EYS: variants seen among roughly 807,000 people sequenced by gnomAD.
EYS encodes the protein EGF-like photoreceptor maintenance factor.
In EYS, 250 loss-of-function variants were observed where a neutral mutation model predicts 282.1. The ratio of observed to expected loss-of-function variants is 0.89; its 90% CI spans 0.80 to 0.98. EYS has a LOEUF of 0.98. Ranked by LOEUF, EYS falls within the 50% of genes least tolerant of loss-of-function variation. The probability of loss-of-function intolerance (pLI) is 0.00; values close to 1 mark genes in which losing one functional copy is unlikely to be tolerated. For missense variants in EYS, 4,016 were observed against 3,709.0 expected (o/e 1.08, Z -2.15); for synonymous variants, 1,355 against 1,282.9 (o/e 1.06, Z -1.20).
chr6:65,033,865 T>A (rs1035306915), intron 13 of EYS, among the ~76,000 whole-genome samples: 3 of 152,098 alleles, frequency 2.0e-5, no homozygotes, highest in Admixed American at 6.6e-5. Context: ...GAAAGGTAGA[T>A]CCACTGACAG....
At chr6:65,418,872 G>A (rs1279044683) in intron 5 of EYS, among the ~76,000 whole-genome samples, 1 of 151,886 alleles carries the variant, frequency 6.6e-6, no homozygotes, top group Non-Finnish European at 1.5e-5. Context: ...TAAAAGTATG[G>A]TCTCAAGCCA....
chr6:63,737,094 A>G (rs1262299142), intron 41 of EYS, among the ~76,000 whole-genome samples: 2 of 149,902 alleles, frequency 1.3e-5, no homozygotes, highest in African/African-American at 4.9e-5. Context: ...TCTCCTGCCT[A>G]ATTGCCCTGG....
intron 29 of EYS, among the ~76,000 whole-genome samples, chr6:64,346,070 G>T (rs1477679646): frequency 1.3e-5 from 2 of 152,054 alleles, no homozygotes; most frequent in African/African-American, 4.8e-5. Context: ...TGGAGAGGAT[G>T]TGGAGAAATA....
intron 26 of EYS, among the ~76,000 whole-genome samples, chr6:64,467,952 G>A (rs1321030576): frequency 6.6e-6 from 1 of 152,062 alleles, no homozygotes; most frequent in African/African-American, 2.4e-5. Flanking sequence ...GGGTTGGCCG[G>A]CATCTGCTAC....
intron 11 of EYS, among the ~76,000 whole-genome samples, chr6:65,296,756 T>C (rs924991812): frequency 8.6e-5 from 13 of 151,896 alleles, no homozygotes; most frequent in Non-Finnish European, 2.9e-5. Flanking sequence ...TCGACGAGAT[T>C]TTCCCATAGT....
chr6:65,411,588 A>G (rs1461451256), intron 5 of EYS, among the ~76,000 whole-genome samples: 1 of 151,980 alleles, frequency 6.6e-6, no homozygotes, highest in Non-Finnish European at 1.5e-5. Context: ...CCATGATTAC[A>G]AAGATCTCTC....
intron 11 of EYS, among the ~76,000 whole-genome samples, chr6:65,297,634 T>A (rs767270063): frequency 1.3e-5 from 2 of 152,012 alleles, no homozygotes; most frequent in Non-Finnish European, 2.9e-5. Flanking sequence ...TGCAAAATTC[T>A]CAGCTGCACA....
intron 22 of EYS, among the ~76,000 whole-genome samples, chr6:64,690,249 A>G (rs1385672236): frequency 6.6e-6 from 1 of 152,274 alleles, no homozygotes; most frequent in Non-Finnish European, 1.5e-5. Flanking sequence ...ACTGACCATC[A>G]GAGAAATGCA....
intron 42 of EYS, among the ~76,000 whole-genome samples, chr6:63,724,744 T>C (rs1470161363): frequency 6.6e-6 from 1 of 152,196 alleles, no homozygotes; most frequent in African/African-American, 2.4e-5. Context: ...ACTCAAATTA[T>C]TAACCTCTAA....
At chr6:63,927,279 A>C (rs1054229080) in intron 35 of EYS, among the ~76,000 whole-genome samples, 1 of 152,238 alleles carries the variant, frequency 6.6e-6, no homozygotes, top group Non-Finnish European at 1.5e-5. Context: ...TGCACTTAAT[A>C]AAAGACAAAA....
intron 2 of EYS, among the ~76,000 whole-genome samples, chr6:65,625,252 T>C (rs1766652472): frequency 6.6e-6 from 1 of 152,194 alleles, no homozygotes; most frequent in African/African-American, 2.4e-5. Context: ...CGAAAAGCCA[T>C]GGTACTCTGT....
At chr6:64,554,853 A>G (rs1765189925) in intron 26 of EYS, among the ~76,000 whole-genome samples, 1 of 152,074 alleles carries the variant, frequency 6.6e-6, no homozygotes, top group Admixed American at 6.5e-5. Flanking sequence ...AATGGCTACT[A>G]TCAAAAAGAC....
At chr6:63,865,266 GC>G (rs1434079015) in intron 35 of EYS, among the ~76,000 whole-genome samples, 1 of 152,166 alleles carries the variant, frequency 6.6e-6, no homozygotes, top group African/African-American at 2.4e-5. Context: ...GAAGAGCCTA[GC>G]TGAGAATAAA....
At chr6:64,629,788 A>G (rs1767722446) in intron 22 of EYS, among the ~76,000 whole-genome samples, 2 of 152,154 alleles carry the variant, frequency 1.3e-5, no homozygotes, top group Admixed American at 1.3e-4. Context: ...AAAATAGTAG[A>G]GGGTTTTCTA....
At chr6:65,266,989 T>TATAGAGAGAG (rs144200033) in intron 12 of EYS, among the ~76,000 whole-genome samples, 2,173 of 142,090 alleles carry the variant, frequency 0.015, 30 homozygotes, top group Middle Eastern at 0.028. Flanking sequence ...TATATATATA[T>TATAGAGAGAG]AGAGAGAGAG....
chr6:65,056,269 C>T (rs1367619783), intron 13 of EYS, among the ~76,000 whole-genome samples: 2 of 133,522 alleles, frequency 1.5e-5, no homozygotes, highest in Non-Finnish European at 3.2e-5. Flanking sequence ...ATTATTCATG[C>T]TATATTTCAT....
chr6:64,249,227 C>T (rs1346628972), intron 30 of EYS, among the ~76,000 whole-genome samples: 1 of 152,014 alleles, frequency 6.6e-6, no homozygotes, highest in Admixed American at 6.6e-5. Flanking sequence ...ATGTCTTTTG[C>T]AGCAACATGA....
intron 19 of EYS, among the ~76,000 whole-genome samples, chr6:64,877,236 A>G (rs1284889876): frequency 6.6e-6 from 1 of 152,166 alleles, no homozygotes; most frequent in Non-Finnish European, 1.5e-5. Context: ...GATGCCATCC[A>G]CTGAGGTGGA....
intron 12 of EYS, among the ~76,000 whole-genome samples, chr6:65,156,252 A>G (rs7746835): frequency 0.017 from 2,630 of 151,336 alleles, 44 homozygotes; most frequent in African/African-American, 0.048. Flanking sequence ...ATTAAATCCT[A>G]AAAAGACCCA....
Sources: gnomAD v4.1 joint callset for allele counts (sites outside exome capture counted in the v4.1 genomes callset) on GRCh38, gnomAD v4.1.1 for gene constraint, MANE v1.5 for transcripts, NCBI Gene and HGNC (gene_info 2026-07-23, HGNC 2026-07-21) for gene names.